Variants in AAAS observed in about 807,000 individuals in gnomAD.
The protein encoded by AAAS is aladin.
Under a neutral mutation model 75.6 loss-of-function variants are expected in AAAS, and 60 were observed. That is an observed-to-expected ratio of 0.79 (90% confidence interval 0.64 to 0.98). The LOEUF (loss-of-function observed/expected upper bound fraction) is 0.98, where lower values mean the gene tolerates loss of function less well. AAAS is among the 50% of genes least tolerant of loss of function. AAAS has a pLI of 0.00. For missense variants in AAAS, 658 were observed against 686.9 expected, an observed-to-expected ratio of 0.96 and a Z score of 0.47; for synonymous variants, 271 against 265.0, an observed-to-expected ratio of 1.02 and a Z score of -0.22.
At chr12:53,315,895 A>T in intron 2 of AAAS, 113 bp from the exon 3 acceptor site, 2 of 1,169,152 alleles carry the variant, frequency 1.7e-6, no homozygotes, top group Non-Finnish European at 2.5e-6. Flanking sequence ...ACATTTAATG[A>T]GTGCCAACTA....
At chr12:53,319,687 C>T (rs1327219660) in intron 2 of AAAS, among the ~76,000 whole-genome samples, 1 of 151,136 alleles carries the variant, frequency 6.6e-6, no homozygotes, top group Non-Finnish European at 1.5e-5. Flanking sequence ...GCCTATAGTA[C>T]CAGCTACTCG....
chr12:53,308,062 G>GC lies in AAAS; in HGVS notation c.1320dup (p.Leu441AlafsTer55). The GC allele has an allele frequency of 6.2e-7, 1 of 1,614,222 alleles. No homozygotes were observed. The highest frequency in any genetic ancestry group is 8.5e-7 in the Non-Finnish European group (1 of 1,180,042). On this transcript the variant is annotated frameshift_variant, in exon 14 of 16. Transcript: ENST00000209873. LOFTEE classifies it high-confidence loss of function. ...CCACATGGCACTTACCAGGGAAGGA[G>GC]CTCAAACACAGGGCTGTTTCGAGTG...
rs773733441 is a variant in AAAS at position 53,321,390 on chromosome 12, C to A, written c.76G>T (p.Val26Leu). 5.2e-5 allele frequency: 84 copies of A among 1,614,082 alleles called. No individual in the cohort carries two copies. Among genetic ancestry groups the A allele is most frequent in the Non-Finnish European group, 8.5e-7 (1 of 1,180,050 alleles). The change falls in exon 1 of 16, where the codon GTG becomes TTG. Residue 26 changes from valine to leucine, a missense_variant. Transcript: ENST00000209873. Reference protein sequence around the residue: ...VTLYEHNNELVTGSSYESPPP... With the variant: ...VTLYEHNNELLTGSSYESPPP... Reference sequence around the variant, plus strand: ...GGGCTCTCATAGCTACTGCCCGTCACCAGCTCGTTATTGTGCTCATATAGG... The same window carrying A: ...GGGCTCTCATAGCTACTGCCCGTCAACAGCTCGTTATTGTGCTCATATAGG...
chr12:53,315,807 C>T, intron 2 of AAAS, 25 bp from the exon 3 acceptor site: 1 of 1,612,182 alleles, frequency 6.2e-7, no homozygotes, highest in South Asian at 1.1e-5. Context: ...AAATGTGGGT[C>T]AGCTTACTCT....
rs1030847102 is a variant in AAAS, at chr12:53,308,737, G to A, written c.1075C>T (p.Pro359Ser). 1 of 1,613,994 alleles carries A rather than the reference G, an allele frequency of 6.2e-7. No individual in the cohort carries two copies. The highest frequency in any genetic ancestry group is 1.7e-5 in the Admixed American group (1 of 59,996). ...GEPLIYSLSF[P>S]ERCGEGKGCV... is the part of the protein sequence containing the mutation. ...TGCCCTAACTCACCACAACGTTCTG[G>A]AAAAGACAGGGAGTAAATCAGTGGC... Residue 359 changes from proline to serine, a missense_variant, in exon 11 of 16, where the codon CCA becomes TCA. Pro to Ser is a moderately conservative substitution (Grantham distance 74). Transcript: ENST00000209873.
intron 14 of AAAS, 27 bp from the exon 15 acceptor site, chr12:53,307,956 G>A (rs370258728): frequency 3.5e-5 from 57 of 1,613,578 alleles, no homozygotes; most frequent in African/African-American, 3.1e-4. Flanking sequence ...GCAGGCAACC[G>A]GAGGCAAGAA....
chr12:53,315,332 TACAG>T lies in AAAS; in HGVS notation c.398_399+2del. On this transcript the variant is annotated splice_donor_variant and coding_sequence_variant, in exon 4 of 16. Coordinates refer to ENST00000209873, the MANE Select transcript of AAAS (RefSeq NM_015665.6). LOFTEE classifies it high-confidence loss of function. ...AGAGGGCTGGGGAGGAAGCCAAACT[TACAG>T]ACAGATGGGGGAACAGGGACCCATG... The T allele has an allele frequency of 1.9e-6, 3 of 1,614,038 alleles. No individual in the cohort carries two copies. The highest frequency in any genetic ancestry group is 3.3e-4 in the Middle Eastern group (2 of 6,058).
Position 53,309,182 on chromosome 12 carries a change from C to A in AAAS, c.910G>T (p.Ala304Ser), listed in dbSNP as rs1245088614. 1.2e-6 allele frequency: 2 copies of A among 1,614,156 alleles called. No individual in the cohort carries two copies. Among genetic ancestry groups the A allele is most frequent in the Admixed American group, 3.3e-5 (2 of 60,008 alleles). Residue 304 changes from alanine to serine, a missense_variant, in exon 9 of 16, where the codon GCT becomes TCT. Physicochemically the swap from Ala to Ser is moderately conservative, Grantham distance 99. Transcript: ENST00000209873. ...LWSPDGSKIL[A>S]TTPSAVFRVW... Reference sequence around the variant, plus strand: ...CGAAAGACAGCTGAAGGAGTGGTAGCCAGGATTTTGCTGCCGTCTGGGGAC... The same window carrying A: ...CGAAAGACAGCTGAAGGAGTGGTAGACAGGATTTTGCTGCCGTCTGGGGAC...
In AAAS at chr12:53,320,011, T is replaced by A. The variant is rs113991410; in HGVS notation, c.251+554A>T. 8.4e-3 allele frequency among the ~76,000 whole-genome samples: 1,273 copies of A among 151,266 alleles called. 22 individuals carry two copies. The highest frequency in any genetic ancestry group is 0.029 in the African/African-American group (1,200 of 41,096). On this transcript the variant is annotated intron_variant, in intron 2 of 15. Coordinates refer to ENST00000209873, the MANE Select transcript of AAAS (RefSeq NM_015665.6). ...GGCACATGCCTGTAATCCTAGCTACTCGGGAGACTGAGGCAGAAGAATCGC... is the reference window on the plus strand; with the variant it reads ...GGCACATGCCTGTAATCCTAGCTACACGGGAGACTGAGGCAGAAGAATCGC...
chr12:53,310,920 G>A (rs2121093146), intron 7 of AAAS, among the ~76,000 whole-genome samples: 1 of 152,244 alleles, frequency 6.6e-6, no homozygotes, highest in South Asian at 2.1e-4. Context: ...ATGGACATTT[G>A]ACTTGTTTGT....
intron 7 of AAAS, among the ~76,000 whole-genome samples, chr12:53,313,918 T>G (rs1300319533): frequency 6.6e-6 from 1 of 152,156 alleles, no homozygotes; most frequent in Non-Finnish European, 1.5e-5. Flanking sequence ...TTAGTCATAA[T>G]TTAAAGAACC....
In AAAS at chr12:53,308,079, T is replaced by C. The variant is rs1344698246; in HGVS notation, c.1304A>G (p.Asn435Ser). Residue 435 changes from asparagine (N) to serine (S), a missense_variant, in exon 14 of 16, where the codon AAC becomes AGC. Coordinates refer to ENST00000209873, the MANE Select transcript of AAAS (RefSeq NM_015665.6). Reference sequence around the variant, plus strand: ...GGGAAGGAGCTCAAACACAGGGCTGTTTCGAGTGCGAAAAAGGAGGATGAC... The same window carrying C: ...GGGAAGGAGCTCAAACACAGGGCTGCTTCGAGTGCGAAAAAGGAGGATGAC... Reference protein sequence around the residue: ...KPVILLFRTRNSPVFELLPCG... With the variant: ...KPVILLFRTRSSPVFELLPCG... The C allele has an allele frequency of 3.7e-6, 6 of 1,614,168 alleles. No homozygotes were observed.
At position 53,321,398 on chromosome 12, in the gene AAAS, T is replaced by C. The variant is rs1276845162; in HGVS notation, c.68A>G (p.Asn23Ser). 6.2e-7 allele frequency: 1 copy of C among 1,614,216 alleles called. No individual in the cohort carries two copies. The highest frequency in any genetic ancestry group is 2.2e-5 in the East Asian group (1 of 44,884). Residue 23 changes from asparagine to serine, a missense_variant, in exon 1 of 16, where the codon AAC becomes AGC. Transcript: ENST00000209873. ...ATAGCTACTGCCCGTCACCAGCTCG[T>C]TATTGTGCTCATATAGGGTGACTTG... The part of the protein sequence containing the change: ...RGQVTLYEHN[N>S]ELVTGSSYES...
chr12:53,313,249 C>T (rs1041701089), intron 7 of AAAS, among the ~76,000 whole-genome samples: 5 of 150,332 alleles, frequency 3.3e-5, no homozygotes, highest in Admixed American at 6.7e-5. Context: ...CTGCAACCTC[C>T]GCTTCCCGGG....
chr12:53,321,524 G>C lies in AAAS; in HGVS notation c.-59C>G, dbSNP rs1944558117. On this transcript the variant is annotated 5_prime_UTR_variant, in exon 1 of 16. Coordinates refer to ENST00000209873, the MANE Select transcript of AAAS (RefSeq NM_015665.6). ...ACTCCTGGCCGGAACGGCACAGACC[G>C]CACTCCCGCAACTCGGTTCCCGGGC... is the stretch of plus-strand genomic sequence containing the variant. 6.2e-7 allele frequency: 1 copy of C among 1,610,540 alleles called. No individual in the cohort carries two copies. The highest frequency in any genetic ancestry group is 2.2e-5 in the East Asian group (1 of 44,874).
intron 5 of AAAS, 90 bp from the exon 6 acceptor site, chr12:53,314,939 T>C: frequency 6.7e-7 from 1 of 1,493,588 alleles, no homozygotes; most frequent in Non-Finnish European, 9.3e-7. Context: ...ACATGGTTTT[T>C]TCCTACTTTT....
At chr12:53,313,918 T>C (rs1300319533) in intron 7 of AAAS, among the ~76,000 whole-genome samples, 1 of 152,156 alleles carries the variant, frequency 6.6e-6, no homozygotes, top group Non-Finnish European at 1.5e-5. Context: ...TTAGTCATAA[T>C]TTAAAGAACC....
At chr12:53,320,964 C>G (rs1014921164) in intron 1 of AAAS, 16 of 540,746 alleles carry the variant, frequency 3.0e-5, no homozygotes, top group Non-Finnish European at 4.9e-5. Flanking sequence ...ACATAGCAAA[C>G]GCTCAATAAA....
chr12:53,315,923 G>C, intron 2 of AAAS, 141 bp from the exon 3 acceptor site: 1 of 918,734 alleles, frequency 1.1e-6, no homozygotes, highest in South Asian at 1.4e-5. Context: ...GGCACTCTAC[G>C]GGCTGTCCTT....
Sources: gnomAD v4.1 joint callset for allele counts (sites outside exome capture counted in the v4.1 genomes callset) on GRCh38, gnomAD v4.1.1 for gene constraint, MANE v1.5 for transcripts, NCBI Gene and HGNC (gene_info 2026-07-23, HGNC 2026-07-21) for gene names.